Variants in BNC2 observed in about 807,000 individuals in gnomAD.
BNC2 encodes the protein zinc finger protein basonuclin-2.
BNC2 carries 20 observed loss-of-function variants against 76.3 expected under a neutral mutation model. That is an observed-to-expected ratio of 0.26 (90% CI 0.18 to 0.38). BNC2 has a LOEUF of 0.38. Ranked by LOEUF, BNC2 falls within the 10% of genes least tolerant of loss-of-function variation. BNC2 has a pLI of 1.00. For synonymous variants in BNC2, 582 were observed against 514.8 expected, an observed-to-expected ratio of 1.13 and a Z score of -1.77; for missense variants, 1,382 against 1,399.8, an observed-to-expected ratio of 0.99 and a Z score of 0.20.
chr9:16,473,304 T>G (rs1821862875), intron 5 of BNC2: 1 of 152,148 alleles, frequency 6.6e-6, no homozygotes, highest in South Asian at 2.1e-4. Context: ...GGATCCTACT[T>G]TTTTCCCTTG....
intron 4 of BNC2, among the ~76,000 whole-genome samples, chr9:16,562,743 C>T (rs889420310): frequency 5.9e-5 from 9 of 152,144 alleles, no homozygotes; most frequent in Non-Finnish European, 1.2e-4. Flanking sequence ...ATATATTACT[C>T]TTACCTAATT....
At chr9:16,777,364 T>A (rs903370650) in intron 1 of BNC2, among the ~76,000 whole-genome samples, 4 of 151,970 alleles carry the variant, frequency 2.6e-5, no homozygotes, top group Middle Eastern at 3.4e-3. Flanking sequence ...AGGAGCAAAT[T>A]TGAATTGAAT....
chr9:16,564,921 G>T (rs577065849), intron 4 of BNC2, among the ~76,000 whole-genome samples: 1 of 152,056 alleles, frequency 6.6e-6, no homozygotes, highest in African/African-American at 2.4e-5. Flanking sequence ...TATCTAGCAC[G>T]AACATTCAAA....
chr9:16,635,375 T>A (rs1821292889), intron 3 of BNC2, among the ~76,000 whole-genome samples: 1 of 152,232 alleles, frequency 6.6e-6, no homozygotes, highest in Non-Finnish European at 1.5e-5. Context: ...TAATTTTATG[T>A]ATTTTTTTCT....
At chr9:16,527,442 T>A (rs1466483552) in intron 5 of BNC2, among the ~76,000 whole-genome samples, 2 of 152,198 alleles carry the variant, frequency 1.3e-5, no homozygotes, top group African/African-American at 2.4e-5. Flanking sequence ...TCATCTATTG[T>A]TCAAAATGTA....
intron 6 of BNC2, chr9:16,431,436 G>C (rs201937467): frequency 4.3e-6 from 2 of 470,226 alleles, no homozygotes; most frequent in Admixed American, 2.3e-5. Flanking sequence ...CTCTTCAAGA[G>C]AATCTCCCGT....
intron 3 of BNC2, among the ~76,000 whole-genome samples, chr9:16,621,082 A>C (rs1820854582): frequency 6.6e-6 from 1 of 152,232 alleles, no homozygotes; most frequent in Middle Eastern, 3.2e-3. Context: ...CCAGGCCGTA[A>C]GTAATGTTCA....
intron 3 of BNC2, among the ~76,000 whole-genome samples, chr9:16,618,129 A>C (rs1820763354): frequency 6.6e-6 from 1 of 152,110 alleles, no homozygotes; most frequent in Non-Finnish European, 1.5e-5. Flanking sequence ...TCCCATACCC[A>C]ATGGAACGCC....
At chr9:16,715,235 T>G (rs1823965797) in intron 3 of BNC2, among the ~76,000 whole-genome samples, 1 of 152,240 alleles carries the variant, frequency 6.6e-6, no homozygotes, top group African/African-American at 2.4e-5. Flanking sequence ...CTTCTACCTT[T>G]ATTTAAATTA....
At chr9:16,737,075 G>A (rs1285702105) in intron 2 of BNC2, among the ~76,000 whole-genome samples, 3 of 151,776 alleles carry the variant, frequency 2.0e-5, no homozygotes, top group Non-Finnish European at 4.4e-5. Flanking sequence ...CAAAGTGCTG[G>A]GATTACAGGC....
intron 5 of BNC2, among the ~76,000 whole-genome samples, chr9:16,453,122 G>A (rs773141832): frequency 6.6e-6 from 1 of 152,114 alleles, no homozygotes; most frequent in Non-Finnish European, 1.5e-5. Context: ...AAAAATACTA[G>A]TACCTACACT....
intron 1 of BNC2, among the ~76,000 whole-genome samples, chr9:16,842,153 T>G (rs1171841612): frequency 1.3e-5 from 2 of 152,204 alleles, no homozygotes; most frequent in African/African-American, 4.8e-5. Context: ...GTTTTGAAGC[T>G]GCTTTGCCTT....
intron 3 of BNC2, among the ~76,000 whole-genome samples, chr9:16,655,737 T>A: frequency 6.6e-6 from 1 of 152,222 alleles, no homozygotes; most frequent in Non-Finnish European, 1.5e-5. Flanking sequence ...AAGCCTTTTA[T>A]CAAACTACCA....
At chr9:16,631,160 TC>T (rs1329601415) in intron 3 of BNC2, among the ~76,000 whole-genome samples, 1 of 152,112 alleles carries the variant, frequency 6.6e-6, no homozygotes, top group African/African-American at 2.4e-5. Context: ...ACTTATCCTC[TC>T]CCCGATACCC....
chr9:16,793,254 A>G (rs1197953748), intron 1 of BNC2, among the ~76,000 whole-genome samples: 1 of 152,198 alleles, frequency 6.6e-6, no homozygotes, highest in Non-Finnish European at 1.5e-5. Flanking sequence ...CTTATTATCA[A>G]TCATAACAAT....
chr9:16,436,613 T>G lies in BNC2; in HGVS notation c.1581A>C (p.Ser527=), dbSNP rs1272317911. Residue 527 remains serine (S), a synonymous_variant, in exon 6 of 7, where the codon TCA becomes TCC. Coordinates refer to ENST00000380672, the MANE Select transcript of BNC2 (RefSeq NM_017637.6). ...AATPVIASTK[S]NLALTSPGRP... is the part of the protein sequence containing the mutation. Reference sequence around the variant, plus strand: ...GGCCAGGGCTTGTGAGTGCCAGATTTGATTTTGTACTTGCTATGACAGGGG... The same window carrying G: ...GGCCAGGGCTTGTGAGTGCCAGATTGGATTTTGTACTTGCTATGACAGGGG... 1.2e-6 allele frequency: 2 copies of G among 1,614,098 alleles called. No individual in the cohort carries two copies. The highest frequency in any genetic ancestry group is 1.1e-5 in the South Asian group (1 of 91,074).
At chr9:16,431,475 G>A (rs951093292) in intron 6 of BNC2, 1 of 470,076 alleles carries the variant, frequency 2.1e-6, no homozygotes, top group Admixed American at 2.4e-5. Context: ...AGGCCGGTTA[G>A]AATTTCCTCT....
At chr9:16,704,082 C>T (rs1303598000) in intron 3 of BNC2, among the ~76,000 whole-genome samples, 2 of 152,144 alleles carry the variant, frequency 1.3e-5, no homozygotes, top group African/African-American at 4.8e-5. Flanking sequence ...ATACATATTT[C>T]TCCTATACAT....
At chr9:16,753,653 A>G (rs890574166) in intron 1 of BNC2, among the ~76,000 whole-genome samples, 9 of 152,192 alleles carry the variant, frequency 5.9e-5, no homozygotes, top group Non-Finnish European at 1.0e-4. Context: ...GCTGGATCCA[A>G]TATTTTGTTA....
Sources: gnomAD v4.1 joint callset for allele counts (sites outside exome capture counted in the v4.1 genomes callset) on GRCh38, gnomAD v4.1.1 for gene constraint, MANE v1.5 for transcripts, NCBI Gene and HGNC (gene_info 2026-07-23, HGNC 2026-07-21) for gene names.